The following RYR2 variants were observed in gnomAD, a reference collection of about 807,000 sequenced individuals.
The protein encoded by RYR2 is cardiac muscle ryanodine receptor-calcium release channel.
In RYR2, 227 loss-of-function variants were observed where a neutral mutation model predicts 601.1. The ratio of observed to expected loss-of-function variants is 0.38; its 90% CI spans 0.34 to 0.42. The LOEUF (loss-of-function observed/expected upper bound fraction) is 0.42. RYR2 is among the 10% of genes least tolerant of loss of function. The pLI, the probability that RYR2 is intolerant of heterozygous loss-of-function variation, is 1.00. For synonymous variants in RYR2, 2,223 were observed against 2,175.1 expected (o/e 1.02, Z -0.61); for missense variants, 4,646 against 6,156.5 (o/e 0.75, Z 8.21).
chr1:237,513,744 T>TCG (rs1666144110), intron 24 of RYR2, among the ~76,000 whole-genome samples: 1 of 152,228 alleles, frequency 6.6e-6, no homozygotes, highest in East Asian at 1.9e-4. Flanking sequence ...ATAGGCTATA[T>TCG]CGTATAGCTT....
In RYR2 at chr1:237,784,609, CAGCGTTTTCAGA is replaced by C. The variant is rs1695399281; in HGVS notation, c.12898_12909del (p.Ser4300_Arg4303del). 6.2e-7 allele frequency: 1 copy of C among 1,613,768 alleles called. No individual in the cohort carries two copies. Among genetic ancestry groups the C allele is most frequent in the African/African-American group, 1.3e-5 (1 of 74,902 alleles). On this transcript the variant is annotated inframe_deletion, in exon 90 of 105. Coordinates refer to ENST00000366574, the MANE Select transcript of RYR2 (RefSeq NM_001035.3). This position sits in a 1 kb window ranked among gnomAD's most constrained non-coding sequence, Gnocchi z 7.1. ...TCATGACCCTCTTGCACTTCGTGGC[CAGCGTTTTCAGA>C]GGCTTTTTCCGCATCATTTGCAGCC... is the stretch of plus-strand genomic sequence containing the variant.
intron 52 of RYR2, 130 bp downstream of exon 52, chr1:237,654,544 T>A: frequency 1.2e-6 from 1 of 832,326 alleles, no homozygotes; most frequent in Non-Finnish European, 1.8e-6. Context: ...ATTTTTTCTC[T>A]TTTCTCAACT....
At chr1:237,778,864 ATC>A (rs1459306584) in intron 88 of RYR2, 94 bp downstream of exon 88, 10 of 626,858 alleles carry the variant, frequency 1.6e-5, no homozygotes, top group African/African-American at 1.5e-4. Context: ...TTAGAATATT[ATC>A]TTTTTAAAAT....
rs770532623 is a variant in RYR2, at chr1:237,707,067, T to C, written c.9699T>C (p.His3233=). The stretch of plus-strand genomic sequence containing the variant: ...GCATTCGCTACACTCAAATGCCACA[T>C]GTCATGGAAGTCATACTGCCCATGC... The part of the protein sequence containing the change: ...ESGIRYTQMP[H]VMEVILPMLC... The change falls in exon 68 of 105, where the codon CAT becomes CAC. Residue 3233 remains histidine, a synonymous_variant. Coordinates refer to ENST00000366574, the MANE Select transcript of RYR2 (RefSeq NM_001035.3). The C allele has an allele frequency of 1.2e-6, 2 of 1,613,946 alleles. No homozygotes were observed. The highest frequency in any genetic ancestry group is 1.7e-6 in the Non-Finnish European group (2 of 1,179,868).
chr1:237,415,707 C>G (rs551022754), intron 10 of RYR2, among the ~76,000 whole-genome samples: 1 of 152,224 alleles, frequency 6.6e-6, no homozygotes, highest in African/African-American at 2.4e-5. Context: ...GGGGACTATT[C>G]TAGAATAAAA....
At chr1:237,181,144 C>A (rs918599569) in intron 1 of RYR2, among the ~76,000 whole-genome samples, 1 of 151,956 alleles carries the variant, frequency 6.6e-6, no homozygotes, top group African/African-American at 2.4e-5. Flanking sequence ...CCACCATGCC[C>A]TGCTAATTTT....
At chr1:237,603,210 G>A (rs554034113) in intron 35 of RYR2, among the ~76,000 whole-genome samples, 7 of 152,240 alleles carry the variant, frequency 4.6e-5, no homozygotes, top group South Asian at 2.1e-4. Context: ...ACTATCCAGC[G>A]AAACCACAGC....
At chr1:237,359,845 A>G (rs972348348) in intron 4 of RYR2, among the ~76,000 whole-genome samples, 2 of 152,024 alleles carry the variant, frequency 1.3e-5, no homozygotes, top group Non-Finnish European at 2.9e-5. Flanking sequence ...ATTTCCATCT[A>G]CTCCACTCCT....
chr1:237,809,174 T>C (rs1190729162), intron 100 of RYR2, 139 bp downstream of exon 100: 3 of 769,256 alleles, frequency 3.9e-6, no homozygotes, highest in African/African-American at 3.5e-5. Context: ...TGTTTAAAGA[T>C]TCAGCAGTTT....
intron 1 of RYR2, among the ~76,000 whole-genome samples, chr1:237,213,915 C>CTTTTTTTTTTTTTTTTTTTTTTTTTTTTT (rs71180008): frequency 1.5e-5 from 1 of 65,484 alleles, no homozygotes; most frequent in Non-Finnish European, 2.9e-5. Context: ...TTTTCTTTTT[C>CTTTTTTTTTTTTTTTTTTTTTTTTTTTTT]TTTTTTTTTT....
intron 16 of RYR2, among the ~76,000 whole-genome samples, chr1:237,468,832 A>G (rs572492629): frequency 1.3e-5 from 2 of 152,222 alleles, no homozygotes; most frequent in South Asian, 4.1e-4. Context: ...CTTTACTATT[A>G]CCTCCCAATG....
chr1:237,763,573 T>C (rs114975380), intron 84 of RYR2, among the ~76,000 whole-genome samples: 1,682 of 152,328 alleles, frequency 0.011, 18 homozygotes, highest in Middle Eastern at 0.02. Context: ...ACTAATATAC[T>C]AGCAAAGATG....
chr1:237,262,113 C>T (rs1274420916), intron 1 of RYR2, among the ~76,000 whole-genome samples: 1 of 152,022 alleles, frequency 6.6e-6, no homozygotes, highest in Non-Finnish European at 1.5e-5. Context: ...GTTCTCCATT[C>T]TGTACTGTTC....
At chr1:237,691,771 G>C (rs529980303) in intron 63 of RYR2, among the ~76,000 whole-genome samples, 5 of 152,144 alleles carry the variant, frequency 3.3e-5, no homozygotes, top group African/African-American at 4.8e-5. Flanking sequence ...CTAAATATAG[G>C]CTTCCCTGTT....
At chr1:237,453,442 T>G (rs1355096727) in intron 14 of RYR2, among the ~76,000 whole-genome samples, 1 of 152,120 alleles carries the variant, frequency 6.6e-6, no homozygotes, top group African/African-American at 2.4e-5. Context: ...AATGAGTATT[T>G]TATTGTTTTG....
At chr1:237,051,314 C>T (rs1661250271) in intron 1 of RYR2, among the ~76,000 whole-genome samples, 1 of 131,408 alleles carries the variant, frequency 7.6e-6, no homozygotes, top group South Asian at 2.9e-4. Flanking sequence ...TTCTCTTTAT[C>T]TCTCTCCCTC....
chr1:237,717,676 G>A, intron 72 of RYR2, among the ~76,000 whole-genome samples: 1 of 152,122 alleles, frequency 6.6e-6, no homozygotes, highest in East Asian at 1.9e-4. Flanking sequence ...GTGATGAGAA[G>A]CATACTCAAA....
chr1:237,061,275 TCATCTATC>T (rs1165918166), intron 1 of RYR2, among the ~76,000 whole-genome samples: 7 of 119,866 alleles, frequency 5.8e-5, no homozygotes, highest in African/African-American at 2.2e-4. Flanking sequence ...TATCCATCTA[TCATCTATC>T]TATCTATCTA....
intron 16 of RYR2, among the ~76,000 whole-genome samples, chr1:237,461,105 T>C (rs559615843): frequency 6.6e-6 from 1 of 152,336 alleles, no homozygotes; most frequent in African/African-American, 2.4e-5. Flanking sequence ...ATTGTAGGTG[T>C]ATACTGGTTC....
Sources: allele counts gnomAD v4.1 joint callset (sites outside exome capture counted in the v4.1 genomes callset), GRCh38; gene constraint gnomAD v4.1.1; non-coding constraint Gnocchi (gnomAD v3.1); transcripts MANE v1.5; gene names NCBI Gene and HGNC (gene_info 2026-07-23, HGNC 2026-07-21).